PGCKA1: variants seen among roughly 807,000 people sequenced by gnomAD.
PGCKA1 encodes PDCD10 and GCKIII kinases-associated protein 1.
chr4:37,478,683 G>T, the PGCKA1 span, among the ~76,000 whole-genome samples: 1 of 152,136 alleles, frequency 6.6e-6, no homozygotes, highest in Admixed American at 6.5e-5. Flanking sequence ...AAATTAAATT[G>T]ATAACAAGAC....
chr4:37,513,712 G>A, the PGCKA1 span, among the ~76,000 whole-genome samples: 2 of 152,160 alleles, frequency 1.3e-5, no homozygotes, highest in Non-Finnish European at 2.9e-5. Context: ...ATTAGATTTG[G>A]TGATTGAGAT....
At chr4:37,587,917 C>A in the PGCKA1 span, among the ~76,000 whole-genome samples, 2 of 151,768 alleles carry the variant, frequency 1.3e-5, no homozygotes, top group Non-Finnish European at 1.5e-5. Flanking sequence ...TGCAGTGAGC[C>A]GAGATTGCGC....
chr4:37,534,411 G>C, the PGCKA1 span, among the ~76,000 whole-genome samples: 1 of 152,130 alleles, frequency 6.6e-6, no homozygotes, highest in East Asian at 1.9e-4. Flanking sequence ...TGACCAGACT[G>C]TCTTGAATCT....
chr4:37,586,175 C>G, the PGCKA1 span, among the ~76,000 whole-genome samples: 1 of 152,004 alleles, frequency 6.6e-6, no homozygotes, highest in Admixed American at 6.6e-5. Context: ...CATCTACAGG[C>G]CAAGTGACTG....
At chr4:37,499,357 C>G in the PGCKA1 span, among the ~76,000 whole-genome samples, 1 of 151,938 alleles carries the variant, frequency 6.6e-6, no homozygotes. Flanking sequence ...GGGAGGAGTC[C>G]CTTTGGAATA....
the PGCKA1 span, chr4:37,588,763 C>T: frequency 1.0e-6 from 1 of 982,156 alleles, no homozygotes; most frequent in South Asian, 1.3e-5. Context: ...CATTTTGAGT[C>T]TCTAGGGAAA....
At chr4:37,514,207 T>G in the PGCKA1 span, among the ~76,000 whole-genome samples, 1 of 152,230 alleles carries the variant, frequency 6.6e-6, no homozygotes, top group Non-Finnish European at 1.5e-5. Flanking sequence ...CTGTGACCTT[T>G]GTTGTAAAAC....
chr4:37,553,369 A>T, the PGCKA1 span, among the ~76,000 whole-genome samples: 2 of 137,004 alleles, frequency 1.5e-5, no homozygotes, highest in African/African-American at 5.5e-5. Flanking sequence ...TGGAGCTGAT[A>T]AACTTCTTAC....
chr4:37,513,618 G>A, the PGCKA1 span, among the ~76,000 whole-genome samples: 985 of 152,276 alleles, frequency 6.5e-3, 12 homozygotes, highest in African/African-American at 0.022. Flanking sequence ...GTGTTAGGCC[G>A]TGGGTGTTAG....
chr4:37,458,633 C>T, the PGCKA1 span, among the ~76,000 whole-genome samples: 1 of 152,136 alleles, frequency 6.6e-6, no homozygotes, highest in Non-Finnish European at 1.5e-5. Flanking sequence ...CATGTTGGCT[C>T]AACTTGGTTG....
chr4:37,472,693 A>G, the PGCKA1 span, among the ~76,000 whole-genome samples: 26 of 152,260 alleles, frequency 1.7e-4, no homozygotes, highest in African/African-American at 5.8e-4. Flanking sequence ...ATTTCAAGCT[A>G]TTGATCTTGA....
chr4:37,506,405 CATAGCTATAAACTTTCCTCAAAGT>C, the PGCKA1 span, among the ~76,000 whole-genome samples: 3 of 151,974 alleles, frequency 2.0e-5, no homozygotes, highest in African/African-American at 7.2e-5. Flanking sequence ...TGTAGGTACT[CATAGCTATAAACTTTCCTCAAAGT>C]ATTGCTTTCA....
the PGCKA1 span, among the ~76,000 whole-genome samples, chr4:37,577,013 C>G: frequency 1.3e-5 from 2 of 152,012 alleles, no homozygotes; most frequent in Non-Finnish European, 2.9e-5. Context: ...TTTGCATTGA[C>G]ACTCATCAGG....
chr4:37,544,395 C>T, the PGCKA1 span, among the ~76,000 whole-genome samples: 5 of 152,040 alleles, frequency 3.3e-5, no homozygotes, highest in African/African-American at 1.2e-4. Context: ...CCTTCAATTA[C>T]GTAAAATTTT....
the PGCKA1 span, among the ~76,000 whole-genome samples, chr4:37,472,151 G>A: frequency 1.3e-5 from 2 of 152,214 alleles, no homozygotes; most frequent in Non-Finnish European, 2.9e-5. Context: ...GCTAGGACTT[G>A]CGACAGTCAT....
chr4:37,461,388 A>G, the PGCKA1 span, among the ~76,000 whole-genome samples: 1 of 152,028 alleles, frequency 6.6e-6, no homozygotes, highest in Non-Finnish European at 1.5e-5. Context: ...AATAGCATTG[A>G]ATCTATAAAT....
At chr4:37,564,758 C>T in the PGCKA1 span, among the ~76,000 whole-genome samples, 1 of 152,052 alleles carries the variant, frequency 6.6e-6, no homozygotes, top group Admixed American at 6.6e-5. Flanking sequence ...CCACCTGCCT[C>T]GGCCTCCCAA....
At chr4:37,470,457 A>T in the PGCKA1 span, among the ~76,000 whole-genome samples, 2 of 152,148 alleles carry the variant, frequency 1.3e-5, 1 homozygote, top group African/African-American at 4.8e-5. Context: ...ATATTTGCCT[A>T]CTGTATGGTA....
At chr4:37,565,866 T>C in the PGCKA1 span, among the ~76,000 whole-genome samples, 1 of 152,126 alleles carries the variant, frequency 6.6e-6, no homozygotes, top group African/African-American at 2.4e-5. Context: ...CCACCCTTAA[T>C]CTGGGTAGGC....
Sources: gnomAD v4.1 joint callset for allele counts (sites outside exome capture counted in the v4.1 genomes callset) on GRCh38, gnomAD v4.1.1 for gene constraint, MANE v1.5 for transcripts, NCBI Gene and HGNC (gene_info 2026-07-23, HGNC 2026-07-21) for gene names.